Variants in PRICKLE2 observed in about 807,000 individuals in gnomAD.
The protein encoded by PRICKLE2 is prickle-like protein 2.
A neutral mutation model predicts 81.4 loss-of-function variants in PRICKLE2; 21 were observed. The ratio of observed to expected loss-of-function variants is 0.26; its 90% CI spans 0.18 to 0.37. The LOEUF (loss-of-function observed/expected upper bound fraction) is 0.37, where lower values mean the gene tolerates loss of function less well. Among genes scored for constraint, PRICKLE2 ranks in the 10% least tolerant of loss-of-function variants. The pLI, the probability that PRICKLE2 is intolerant of heterozygous loss-of-function variation, is 1.00. For missense variants in PRICKLE2, 940 were observed against 1,109.0 expected (o/e 0.85, Z 2.16); for synonymous variants, 456 against 421.5 (o/e 1.08, Z -1.00).
At chr3:64,139,981 T>G (rs1335771268) in intron 7 of PRICKLE2, among the ~76,000 whole-genome samples, 1 of 152,250 alleles carries the variant, frequency 6.6e-6, no homozygotes, top group Non-Finnish European at 1.5e-5. Flanking sequence ...TTCACTAGAC[T>G]GTGAGGTACA....
intron 2 of PRICKLE2, among the ~76,000 whole-genome samples, chr3:64,172,408 T>C (rs1377418952): frequency 6.6e-6 from 1 of 152,218 alleles, no homozygotes; most frequent in Non-Finnish European, 1.5e-5. Context: ...GGCAGTTTCT[T>C]ATAGGGGTAA....
At chr3:64,127,149 T>C (rs945848594) in intron 7 of PRICKLE2, among the ~76,000 whole-genome samples, 2 of 152,042 alleles carry the variant, frequency 1.3e-5, no homozygotes, top group African/African-American at 4.8e-5. Flanking sequence ...TGGTGCTGAG[T>C]GTTATAGAGA....
chr3:64,250,216 A>C (rs187835853), intron 2 of PRICKLE2, among the ~76,000 whole-genome samples: 19 of 152,208 alleles, frequency 1.2e-4, no homozygotes, highest in Non-Finnish European at 2.6e-4. Context: ...GGGTTTCTCA[A>C]CCTCAACACT....
At chr3:64,187,814 T>G (rs561459446) in intron 2 of PRICKLE2, among the ~76,000 whole-genome samples, 59 of 152,308 alleles carry the variant, frequency 3.9e-4, no homozygotes, top group Non-Finnish European at 7.2e-4. Flanking sequence ...GCCTGAAAGC[T>G]AACGGTAAAG....
intron 6 of PRICKLE2, among the ~76,000 whole-genome samples, chr3:64,149,989 T>A (rs1225325644): frequency 7.0e-6 from 1 of 142,148 alleles, no homozygotes; most frequent in Non-Finnish European, 1.6e-5. Flanking sequence ...TTTTTTTTTT[T>A]TGAGACGGAT....
At chr3:64,177,291 A>C (rs1340873730) in intron 2 of PRICKLE2, among the ~76,000 whole-genome samples, 3 of 151,316 alleles carry the variant, frequency 2.0e-5, no homozygotes, top group African/African-American at 7.3e-5. Flanking sequence ...ACTCACCACC[A>C]CACCCGGCTA....
intron 2 of PRICKLE2, among the ~76,000 whole-genome samples, chr3:64,197,898 A>G (rs1384182123): frequency 6.6e-6 from 1 of 152,150 alleles, no homozygotes; most frequent in South Asian, 2.1e-4. Context: ...TATCACACCT[A>G]AAGTTTCCAA....
intron 2 of PRICKLE2, among the ~76,000 whole-genome samples, chr3:64,239,384 G>A (rs914983913): frequency 5.9e-5 from 9 of 152,120 alleles, no homozygotes; most frequent in Non-Finnish European, 1.2e-4. Flanking sequence ...GACATATTCT[G>A]CAATAAGAAA....
At chr3:64,105,398 A>C (rs11713331) in intron 7 of PRICKLE2, among the ~76,000 whole-genome samples, 30,328 of 152,194 alleles carry the variant, frequency 0.2, 3,578 homozygotes, top group Non-Finnish European at 0.27. Flanking sequence ...AGCAGTGCCC[A>C]GTACCCTTTG....
At chr3:64,182,841 T>C (rs1338073125) in intron 2 of PRICKLE2, among the ~76,000 whole-genome samples, 2 of 151,846 alleles carry the variant, frequency 1.3e-5, no homozygotes, top group Non-Finnish European at 2.9e-5. Context: ...ATTCTGTATC[T>C]TTCCACCAAG....
chr3:64,243,776 T>G (rs2079305188), intron 2 of PRICKLE2, among the ~76,000 whole-genome samples: 1 of 152,194 alleles, frequency 6.6e-6, no homozygotes, highest in South Asian at 2.1e-4. Context: ...AATCACTTCA[T>G]CTCAGAGATG....
At chr3:64,118,767 C>T (rs1438278689) in intron 7 of PRICKLE2, among the ~76,000 whole-genome samples, 1 of 152,116 alleles carries the variant, frequency 6.6e-6, no homozygotes, top group Non-Finnish European at 1.5e-5. Context: ...AATGCTTGTA[C>T]ACTCTTGGTG....
rs777689361 is a variant in PRICKLE2, at chr3:64,121,247, T to C, written c.1661-21322A>G. ...TTTCCAAACTATCCTCTCTGGATTATGCAAAAAAACGATTGGGTGGGAAAT... is the reference window on the plus strand; with the variant it reads ...TTTCCAAACTATCCTCTCTGGATTACGCAAAAAAACGATTGGGTGGGAAAT... On this transcript the variant is annotated intron_variant, in intron 7 of 7. Coordinates refer to ENST00000638394, the MANE Select transcript of PRICKLE2 (RefSeq NM_198859.4). 1.4e-4 allele frequency among the ~76,000 whole-genome samples: 22 copies of C among 152,336 alleles called. 1 individual carries two copies. The highest frequency in any genetic ancestry group is 3.2e-4 in the Non-Finnish European group (22 of 68,028).
Position 64,099,244 on chromosome 3 carries a change from G to A in PRICKLE2, c.2342C>T (p.Ser781Phe), listed in dbSNP as rs2076614198. 2.5e-6 allele frequency: 4 copies of A among 1,614,088 alleles called. No individual in the cohort carries two copies. The highest frequency in any genetic ancestry group is 3.4e-6 in the Non-Finnish European group (4 of 1,180,048). ...EYDWCSTCSS[S>F]SESDNEGYFL... ...ATAGCCCTCGTTGTCAGACTCTGAA[G>A]AGGAGGAGCAGGTGGAACACCAATC... The change falls in exon 8 of 8, where the codon TCT (serine) becomes TTT (phenylalanine). Residue 781 changes from serine to phenylalanine, a missense_variant. Physicochemically the swap from Ser to Phe is radical, Grantham distance 155. This residue lies in a region of PRICKLE2 where 670 missense variants were observed against 717.2 expected (regional missense o/e 0.93). Coordinates refer to ENST00000638394, the MANE Select transcript of PRICKLE2 (RefSeq NM_198859.4). The surrounding 1 kb of genome is among the most constrained non-coding windows in gnomAD (Gnocchi z 4.3).
intron 7 of PRICKLE2, among the ~76,000 whole-genome samples, chr3:64,108,642 G>A (rs998742854): frequency 6.6e-5 from 10 of 152,254 alleles, no homozygotes; most frequent in South Asian, 2.1e-4. Flanking sequence ...GGCCCTCACC[G>A]GACTTGCAGA....
chr3:64,262,250 T>C (rs2079625427), intron 2 of PRICKLE2, among the ~76,000 whole-genome samples: 1 of 152,098 alleles, frequency 6.6e-6, no homozygotes, highest in Non-Finnish European at 1.5e-5. Flanking sequence ...CTGAAAGGAC[T>C]TATTCCCATT....
intron 7 of PRICKLE2, chr3:64,104,613 T>C (rs936505554): frequency 6.6e-6 from 1 of 152,222 alleles, no homozygotes; most frequent in Non-Finnish European, 1.5e-5. Context: ...GGTATCAGGC[T>C]TCTGCATCCC....
upstream of PRICKLE2, among the ~76,000 whole-genome samples, chr3:64,226,050 C>G (rs2079027420): frequency 6.6e-6 from 1 of 152,108 alleles, no homozygotes; most frequent in Non-Finnish European, 1.5e-5. Flanking sequence ...TGCCCTTTAA[C>G]CCCTTACCCC....
chr3:64,257,964 C>A (rs1032145224), intron 2 of PRICKLE2, among the ~76,000 whole-genome samples: 1 of 152,166 alleles, frequency 6.6e-6, no homozygotes, highest in Non-Finnish European at 1.5e-5. Context: ...TGTGAAGACA[C>A]AGCAATAAGT....
Sources: gnomAD v4.1 joint callset for allele counts (sites outside exome capture counted in the v4.1 genomes callset) on GRCh38, gnomAD v4.1.1 for gene constraint, gnomAD v4.1.1 regional missense constraint, Gnocchi (gnomAD v3.1) non-coding constraint, MANE v1.5 for transcripts, NCBI Gene and HGNC (gene_info 2026-07-23, HGNC 2026-07-21) for gene names.